COL6A5: variants seen among roughly 807,000 people sequenced by gnomAD.
COL6A5 encodes collagen type VI alpha 5 chain, also known as collagen alpha-5(VI) chain.
In COL6A5, 48 loss-of-function variants were observed where a neutral mutation model predicts 65.6. The ratio of observed to expected loss-of-function variants is 0.73; its 90% CI spans 0.58 to 0.93. The LOEUF (loss-of-function observed/expected upper bound fraction) is 0.93. Ranked by LOEUF, COL6A5 falls within the 40% of genes least tolerant of loss-of-function variation. The pLI, the probability that COL6A5 is intolerant of heterozygous loss-of-function variation, is 0.00. For synonymous variants in COL6A5, 291 were observed against 322.8 expected (o/e 0.90, Z 1.05); for missense variants, 914 against 928.3 (o/e 0.98, Z 0.20).
At chr3:130,424,543 T>G (rs1295455306) in intron 29 of COL6A5, among the ~76,000 whole-genome samples, 1 of 152,116 alleles carries the variant, frequency 6.6e-6, no homozygotes, top group Non-Finnish European at 1.5e-5. Context: ...TGTTTTGTGG[T>G]GGAGACCCAG....
chr3:130,431,777 T>G, exon 1 of COL6A5: 2 of 1,551,554 alleles, frequency 1.3e-6, no homozygotes, highest in Middle Eastern at 3.3e-4. Context: ...ACCCGCAACG[T>G]GTTCAAGCGG....
intron 18 of COL6A5, 66 bp from the exon 19 acceptor site, chr3:130,409,943 C>A: frequency 1.8e-6 from 2 of 1,132,616 alleles, no homozygotes; most frequent in Non-Finnish European, 1.3e-6. Context: ...ACTTGAACAT[C>A]ATACCGTTTT....
chr3:130,428,468 A>C (rs1937657497), upstream of COL6A5, among the ~76,000 whole-genome samples: 1 of 152,174 alleles, frequency 6.6e-6, no homozygotes. Flanking sequence ...ATAAAACAGA[A>C]GGGCCCAAGT....
At chr3:130,378,312 G>C (rs1935861529) in intron 3 of COL6A5, among the ~76,000 whole-genome samples, 1 of 151,968 alleles carries the variant, frequency 6.6e-6, no homozygotes, top group African/African-American at 2.4e-5. Flanking sequence ...TCACTCAGTT[G>C]TTCAGGCCAA....
intron 3 of COL6A5, among the ~76,000 whole-genome samples, chr3:130,377,603 C>T (rs534174052): frequency 2.1e-4 from 32 of 152,342 alleles, no homozygotes; most frequent in Non-Finnish European, 4.1e-4. Context: ...AGCCCTGCAT[C>T]TGCTGTGTTG....
chr3:130,455,509 A>T, exon 5 of COL6A5: 1 of 1,612,894 alleles, frequency 6.2e-7, no homozygotes. Flanking sequence ...TCATTGGCCA[A>T]GAATTAAATT....
chr3:130,358,111 C>A (rs542295411), intron 1 of COL6A5, among the ~76,000 whole-genome samples: 1 of 151,970 alleles, frequency 6.6e-6, no homozygotes, highest in Non-Finnish European at 1.5e-5. Context: ...ATGGCGTGAA[C>A]CTGGGAGGCG....
At chr3:130,424,406 T>A (rs1303652471) in intron 29 of COL6A5, among the ~76,000 whole-genome samples, 1 of 152,018 alleles carries the variant, frequency 6.6e-6, no homozygotes, top group African/African-American at 2.4e-5. Context: ...GAGTCAGGCA[T>A]ATCTCCCACT....
exon 5 of COL6A5, chr3:130,384,973 A>T: frequency 6.4e-7 from 1 of 1,551,024 alleles, no homozygotes; most frequent in East Asian, 2.4e-5. Context: ...CAGATGACAC[A>T]GAAGTGGAAT....
intron 1 of COL6A5, among the ~76,000 whole-genome samples, chr3:130,371,684 G>A (rs1474053828): frequency 1.3e-5 from 2 of 152,016 alleles, no homozygotes; most frequent in Non-Finnish European, 2.9e-5. Context: ...ACTTAAAATG[G>A]GTTAAAGAAC....
chr3:130,402,247 C>T (rs866354283), intron 12 of COL6A5, among the ~76,000 whole-genome samples: 1 of 152,064 alleles, frequency 6.6e-6, no homozygotes, highest in African/African-American at 2.4e-5. Flanking sequence ...CCAGCCAGGG[C>T]AACATAACGA....
Position 130,345,902 on chromosome 3 carries a change from A to G in COL6A5, c.-108A>G, listed in dbSNP as rs563875792. The stretch of plus-strand genomic sequence containing the variant: ...CGAGAGGCGCGCGTTTACTGCGCTC[A>G]GGAGCTCGGTGCAGCCTCTTCTGGA... On this transcript the variant is annotated 5_prime_UTR_variant and NMD_transcript_variant, in exon 1 of 42. Coordinates refer to the COL6A5 transcript ENST00000312481. The G allele has an allele frequency of 1.3e-3, 503 of 398,656 alleles. 4 individuals are homozygous for G. The highest frequency in any genetic ancestry group is 1.7e-3 in the Non-Finnish European group (377 of 226,110). 24.7% of individuals were successfully genotyped at this position (398,656 alleles called of 1,614,324 possible). A position where few individuals can be genotyped will look rare whatever the true frequency, so the allele number is the denominator to read the frequency against.
At chr3:130,384,696 C>T (rs1453242) in intron 4 of COL6A5, 108 bp from the exon 5 acceptor site, 217,263 of 878,032 alleles carry the variant, frequency 0.25, 31,636 homozygotes, top group East Asian at 0.54. Flanking sequence ...TACGCAAAAA[C>T]GAAGTCTTCA....
exon 20 of COL6A5, chr3:130,410,480 G>A: frequency 6.4e-7 from 1 of 1,550,586 alleles, no homozygotes; most frequent in Non-Finnish European, 8.7e-7. Context: ...GGGTAGAAGT[G>A]GACAGAAAGG....
At chr3:130,475,084 G>A (rs1344082145) in intron 7 of COL6A5, among the ~76,000 whole-genome samples, 1 of 148,338 alleles carries the variant, frequency 6.7e-6, no homozygotes, top group African/African-American at 2.5e-5. Context: ...GATTAATTAT[G>A]CAATTATACA....
chr3:130,440,336 T>C (rs1250854406), exon 3 of COL6A5: 2 of 1,613,466 alleles, frequency 1.2e-6, no homozygotes, highest in Admixed American at 3.3e-5. Flanking sequence ...TTCAGACCCT[T>C]TAATCTCAGA....
At chr3:130,423,985 A>G (rs557612951) in intron 29 of COL6A5, 85 bp downstream of exon 29, 2 of 1,044,800 alleles carry the variant, frequency 1.9e-6, no homozygotes, top group Non-Finnish European at 2.8e-6. Flanking sequence ...AGTCAAATGC[A>G]CTGGATTTAA....
chr3:130,401,785 C>A (rs1189198802), exon 12 of COL6A5: 1 of 1,551,464 alleles, frequency 6.4e-7, no homozygotes, highest in Non-Finnish European at 8.7e-7. Context: ...AGAGGACTTG[C>A]TGCTGTACAT....
rs374990381 is a variant in COL6A5, at chr3:130,440,043, T to A, written c.582-123T>A. On this transcript the variant is annotated intron_variant, in intron 2 of 7. Coordinates refer to ENST00000512836, the Ensembl canonical transcript of COL6A5. ...TCTCATTAATTTAAATTATGTGAGA[T>A]CAAAGAGATATTGATCAAATTATAA... 6.4e-5 allele frequency: 51 copies of A among 796,288 alleles called. No homozygotes were observed. In the East Asian group the frequency reaches 1.2e-3, roughly 18 times the overall value. 49.3% of individuals were successfully genotyped at this position (796,288 alleles called of 1,614,324 possible).
Sources: gnomAD v4.1 joint callset for allele counts (sites outside exome capture counted in the v4.1 genomes callset) on GRCh38, gnomAD v4.1.1 for gene constraint, MANE v1.5 for transcripts, NCBI Gene and HGNC (gene_info 2026-07-23, HGNC 2026-07-21) for gene names.